PARVA: variants seen among roughly 807,000 people sequenced by gnomAD.
The protein encoded by PARVA is alpha-parvin.
In PARVA, 25 loss-of-function variants were observed where a neutral mutation model predicts 52.6. The ratio of observed to expected loss-of-function variants is 0.48; its 90% confidence interval spans 0.35 to 0.66. The LOEUF (loss-of-function observed/expected upper bound fraction) is 0.66, where lower values mean the gene tolerates loss of function less well. PARVA is among the 30% of genes least tolerant of loss of function. The pLI is 0.01. For synonymous variants in PARVA, 185 were observed against 179.1 expected (o/e 1.03, Z -0.26); for missense variants, 373 against 450.9 (o/e 0.83, Z 1.56).
chr11:12,419,793 T>G (rs1248629420), intron 1 of PARVA, among the ~76,000 whole-genome samples: 1 of 152,130 alleles, frequency 6.6e-6, no homozygotes, highest in East Asian at 1.9e-4. Flanking sequence ...TTTTTGTTAT[T>G]AATAGTAACC....
chr11:12,449,477 G>T (rs1940594699), intron 1 of PARVA, among the ~76,000 whole-genome samples: 1 of 152,148 alleles, frequency 6.6e-6, no homozygotes, highest in South Asian at 2.1e-4. Context: ...ATTTAAAATG[G>T]TCATGAAGCA....
chr11:12,462,575 G>T (rs10765951), intron 1 of PARVA, among the ~76,000 whole-genome samples: 26,867 of 152,184 alleles, frequency 0.18, 2,718 homozygotes, highest in Admixed American at 0.31. Context: ...CTAACTTACA[G>T]GTCTGCAAGG....
chr11:12,498,913 T>C (rs1263191908), intron 5 of PARVA, among the ~76,000 whole-genome samples: 3 of 152,238 alleles, frequency 2.0e-5, no homozygotes, highest in Non-Finnish European at 4.4e-5. Context: ...TTTCGCTTGA[T>C]CTTACATCAC....
intron 1 of PARVA, 59 bp from the exon 2 acceptor site, chr11:12,473,686 G>C: frequency 1.5e-6 from 2 of 1,292,220 alleles, no homozygotes; most frequent in South Asian, 2.5e-5. Flanking sequence ...TTGTTACAGA[G>C]CTCCAACCCC....
At chr11:12,447,166 A>C (rs1047834492) in intron 1 of PARVA, among the ~76,000 whole-genome samples, 1 of 152,200 alleles carries the variant, frequency 6.6e-6, no homozygotes, top group Admixed American at 6.5e-5. Flanking sequence ...GTAAAGGTCA[A>C]TCTCATGACA....
chr11:12,491,457 C>A (rs555122244), intron 4 of PARVA, among the ~76,000 whole-genome samples: 1 of 152,262 alleles, frequency 6.6e-6, no homozygotes, highest in East Asian at 1.9e-4. Flanking sequence ...CATAAAGCCA[C>A]CACGCCCAGC....
intron 1 of PARVA, among the ~76,000 whole-genome samples, chr11:12,399,797 C>A (rs1035460467): frequency 5.9e-5 from 9 of 151,966 alleles, no homozygotes; most frequent in African/African-American, 2.2e-4. Flanking sequence ...AATAATATAG[C>A]CATTTGGAAG....
At chr11:12,431,663 A>T (rs979681087) in intron 1 of PARVA, among the ~76,000 whole-genome samples, 3 of 152,204 alleles carry the variant, frequency 2.0e-5, no homozygotes, top group African/African-American at 7.2e-5. Flanking sequence ...CTAACCATCT[A>T]TTGGACCATC....
At chr11:12,381,994 C>G (rs1307230750) in intron 1 of PARVA, among the ~76,000 whole-genome samples, 1 of 152,180 alleles carries the variant, frequency 6.6e-6, no homozygotes, top group Non-Finnish European at 1.5e-5. Flanking sequence ...ATGCGAGAAC[C>G]TCAAGAGATC....
rs1247270709 is a variant in PARVA, at chr11:12,513,545, G to A, written c.798+185G>A. The A allele has an allele frequency of 9.8e-6, 7 of 711,602 alleles. No homozygotes were observed. In the African/African-American group the frequency reaches 1.0e-4, roughly 11 times the overall value. 44.1% of individuals were successfully genotyped at this position (711,602 alleles called of 1,614,324 possible). On this transcript the variant is annotated intron_variant, in intron 9 of 12. Transcript: ENST00000334956. ...GTTCCTCACTGGATGTTGCACCTGG[G>A]CCTTTTCCCCTCCATCAGCATGAAC...
Position 12,529,706 on chromosome 11 carries a change from T to C in PARVA, c.*1781T>C, listed in dbSNP as rs530051343. The C allele has an allele frequency of 3.9e-5, 6 of 152,348 alleles. No homozygotes were observed. In the East Asian group the frequency reaches 9.6e-4, roughly 24 times the overall value. 9.4% of individuals were successfully genotyped at this position (152,348 alleles called of 1,614,324 possible). On this transcript the variant is annotated 3_prime_UTR_variant, in exon 13 of 13. Transcript: ENST00000334956. ...TATTTCTTACTGTACTGTCTCTTAC[T>C]GTACTGTCTATCTGCAGTAATTGAG...
At chr11:12,399,442 G>A (rs1373633640) in intron 1 of PARVA, among the ~76,000 whole-genome samples, 1 of 152,158 alleles carries the variant, frequency 6.6e-6, no homozygotes, top group Non-Finnish European at 1.5e-5. Flanking sequence ...AGTCAAGCTG[G>A]TCTATACCCT....
At chr11:12,514,637 G>A (rs555537004) in intron 10 of PARVA, among the ~76,000 whole-genome samples, 24 of 152,198 alleles carry the variant, frequency 1.6e-4, no homozygotes, top group African/African-American at 5.5e-4. Context: ...ACAGGCATGC[G>A]CCACCAAGCC....
At chr11:12,378,506 CAGGCATTCAGGGCTTTCGT>C (rs1167789629) in intron 1 of PARVA, among the ~76,000 whole-genome samples, 2 of 151,866 alleles carry the variant, frequency 1.3e-5, no homozygotes, top group Admixed American at 1.3e-4. Flanking sequence ...GCTGTGAACT[CAGGCATTCAGGGCTTTCGT>C]AAAAACCTTT....
chr11:12,385,335 T>TAATA (rs779216496), intron 1 of PARVA, among the ~76,000 whole-genome samples: 26 of 151,984 alleles, frequency 1.7e-4, no homozygotes, highest in Non-Finnish European at 3.2e-4. Flanking sequence ...TCTCAATAAA[T>TAATA]AATAAATAAA....
intron 5 of PARVA, 42 bp from the exon 6 acceptor site, chr11:12,504,272 T>C: frequency 1.7e-6 from 2 of 1,147,272 alleles, no homozygotes; most frequent in African/African-American, 3.0e-5. Context: ...GCCTAGAACC[T>C]GGAAGAAGAT....
chr11:12,388,111 C>A (rs1939604809), intron 1 of PARVA, among the ~76,000 whole-genome samples: 1 of 152,200 alleles, frequency 6.6e-6, no homozygotes, highest in African/African-American at 2.4e-5. Flanking sequence ...TCCTCCTCAA[C>A]AAGAGTCTCC....
In PARVA at chr11:12,513,289, T is replaced by A; in HGVS notation, c.737-10T>A. 6.2e-7 allele frequency: 1 copy of A among 1,613,326 alleles called. No homozygotes were observed. Among genetic ancestry groups the A allele is most frequent in the Non-Finnish European group, 8.5e-7 (1 of 1,179,306 alleles). ...TCTTGTGCTCCACATTGTGTTTCCC[T>A]CTTTTTCAGAACGTGATGCCTTTGA... On this transcript the variant is annotated splice_polypyrimidine_tract_variant and intron_variant, in intron 8 of 12. Coordinates refer to ENST00000334956, the MANE Select transcript of PARVA (RefSeq NM_018222.5).
intron 1 of PARVA, among the ~76,000 whole-genome samples, chr11:12,433,316 A>G (rs371537185): frequency 1.3e-5 from 2 of 152,208 alleles, no homozygotes; most frequent in African/African-American, 4.8e-5. Context: ...TGGCCACAAA[A>G]TGTGTAAGCC....
Sources: allele counts gnomAD v4.1 joint callset (sites outside exome capture counted in the v4.1 genomes callset), GRCh38; gene constraint gnomAD v4.1.1; transcripts MANE v1.5; gene names NCBI Gene and HGNC (gene_info 2026-07-23, HGNC 2026-07-21).